FSIP1: variants seen among roughly 807,000 people sequenced by gnomAD.
FSIP1 encodes the protein fibrous sheath interacting protein 1, also known as fibrous sheath-interacting protein 1.
FSIP1 carries 65 observed loss-of-function variants against 60.9 expected under a neutral mutation model. The ratio of observed to expected loss-of-function variants is 1.07; its 90% CI spans 0.87 to 1.31. The LOEUF (loss-of-function observed/expected upper bound fraction) is 1.31, where lower values mean the gene tolerates loss of function less well. Among genes scored for constraint, FSIP1 ranks in the 40% most tolerant of loss-of-function variants. The pLI is 0.00. For missense variants in FSIP1, 675 were observed against 665.5 expected, an observed-to-expected ratio of 1.01 and a Z score of -0.16; for synonymous variants, 209 against 221.2, an observed-to-expected ratio of 0.94 and a Z score of 0.49.
At position 39,738,823 on chromosome 15, in the gene FSIP1, G is replaced by A. The variant is rs375587981; in HGVS notation, c.781-622C>T. On this transcript the variant is annotated intron_variant, in intron 7 of 11. Coordinates refer to ENST00000350221, the MANE Select transcript of FSIP1 (RefSeq NM_152597.5). ...CATATGAATGTGGAGCACAAAAATC[G>A]AGAGTCCCAGAGGCCAGTCCTGGCA... 4.4e-4 allele frequency among the ~76,000 whole-genome samples: 67 copies of A among 152,300 alleles called. 1 individual carries two copies. The highest frequency in any genetic ancestry group is 1.6e-3 in the African/African-American group (67 of 41,576).
At chr15:39,716,833 T>TTTTA (rs3986372) in intron 9 of FSIP1, among the ~76,000 whole-genome samples, 1 of 149,536 alleles carries the variant, frequency 6.7e-6, no homozygotes. Context: ...TTTTTTTTTT[T>TTTTA]GAGACGGAGT....
chr15:39,660,142 C>T lies in FSIP1; in HGVS notation c.1189-41897G>A, dbSNP rs532678333. 2.6e-5 allele frequency among the ~76,000 whole-genome samples: 4 copies of T among 152,254 alleles called. No homozygotes were observed. In the East Asian group the frequency reaches 7.7e-4, roughly 29 times the overall value. ...GGAGGGGCCTGTATTTCTGCCTTGACAACGTAGTAAGTAAAACGTAGCACA... is the reference window on the plus strand; with the variant it reads ...GGAGGGGCCTGTATTTCTGCCTTGATAACGTAGTAAGTAAAACGTAGCACA... On this transcript the variant is annotated intron_variant, in intron 10 of 11. Transcript: ENST00000350221.
intron 10 of FSIP1, among the ~76,000 whole-genome samples, chr15:39,712,271 T>C (rs1410533165): frequency 8.5e-5 from 13 of 152,062 alleles, no homozygotes; most frequent in African/African-American, 2.2e-4. Flanking sequence ...GAAGATGGGA[T>C]TGTGGCACAC....
chr15:39,638,641 T>G (rs1456978852), intron 10 of FSIP1, among the ~76,000 whole-genome samples: 2 of 152,198 alleles, frequency 1.3e-5, no homozygotes, highest in Non-Finnish European at 2.9e-5. Flanking sequence ...TCACTGTGTG[T>G]GTTTTGACAA....
chr15:39,728,443 T>C (rs996726802), intron 8 of FSIP1, among the ~76,000 whole-genome samples: 4 of 152,018 alleles, frequency 2.6e-5, no homozygotes, highest in Admixed American at 2.0e-4. Flanking sequence ...AACAGACACA[T>C]AGACCAATGG....
At chr15:39,780,808 G>A (rs12594113) in intron 1 of FSIP1, among the ~76,000 whole-genome samples, 8,837 of 152,080 alleles carry the variant, frequency 0.058, 590 homozygotes, top group East Asian at 0.24. Flanking sequence ...GGCTGGTCTC[G>A]AACCCCTGAC....
At chr15:39,653,926 T>A (rs1337245360) in intron 10 of FSIP1, among the ~76,000 whole-genome samples, 3 of 151,484 alleles carry the variant, frequency 2.0e-5, no homozygotes, top group East Asian at 1.9e-4. Flanking sequence ...TTTTATTTTA[T>A]TTTTTTTACT....
rs144276693 is a variant in FSIP1, at chr15:39,726,296, C to G, written c.1050+293G>C. On this transcript the variant is annotated intron_variant, in intron 9 of 11. Coordinates refer to ENST00000350221, the MANE Select transcript of FSIP1 (RefSeq NM_152597.5). ...AGAAAAATAAGGCTCTCAAAGGACT[C>G]GTGAGTGCCATATCCGCTTTCTTCC... Among the ~76,000 whole-genome samples, 157 of 152,226 alleles carry G rather than the reference C, an allele frequency of 1.0e-3. 1 individual carries two copies. In the East Asian group the frequency reaches 0.021, roughly 21 times the overall value.
chr15:39,773,572 T>TA (rs1336396588), intron 2 of FSIP1, among the ~76,000 whole-genome samples: 1 of 152,188 alleles, frequency 6.6e-6, no homozygotes, highest in Non-Finnish European at 1.5e-5. Context: ...AGTTGCTGCT[T>TA]AAAAAAATTG....
intron 11 of FSIP1, among the ~76,000 whole-genome samples, chr15:39,612,279 G>A (rs754379979): frequency 6.6e-6 from 1 of 152,126 alleles, no homozygotes; most frequent in Non-Finnish European, 1.5e-5. Context: ...AACTCAAGAG[G>A]ATTTTAATCA....
chr15:39,637,684 T>C (rs1892192272), intron 10 of FSIP1, among the ~76,000 whole-genome samples: 1 of 152,152 alleles, frequency 6.6e-6, no homozygotes, highest in South Asian at 2.1e-4. Flanking sequence ...TGATACTGAA[T>C]AGTGGAACTT....
At chr15:39,652,735 ACAC>A (rs1212171069) in intron 10 of FSIP1, among the ~76,000 whole-genome samples, 2 of 152,142 alleles carry the variant, frequency 1.3e-5, no homozygotes, top group Non-Finnish European at 2.9e-5. Flanking sequence ...AGCCTACTAT[ACAC>A]CTAGGCTATA....
intron 8 of FSIP1, 78 bp from the exon 9 acceptor site, chr15:39,726,825 G>A (rs1896218091): frequency 2.8e-6 from 3 of 1,081,542 alleles, no homozygotes; most frequent in Non-Finnish European, 4.0e-6. Flanking sequence ...GGCTATAACA[G>A]TGCCCAGGTC....
At chr15:39,730,710 G>A (rs1488217731) in intron 8 of FSIP1, among the ~76,000 whole-genome samples, 2 of 152,156 alleles carry the variant, frequency 1.3e-5, no homozygotes, top group Non-Finnish European at 2.9e-5. Flanking sequence ...ACAAACAAAT[G>A]ACCTAGATTC....
At chr15:39,713,853 C>A (rs373872102) in intron 9 of FSIP1, among the ~76,000 whole-genome samples, 10 of 152,210 alleles carry the variant, frequency 6.6e-5, no homozygotes, top group African/African-American at 2.4e-4. Flanking sequence ...GAAACAGGAA[C>A]CTGGGTTCTG....
At chr15:39,653,847 C>G (rs960737957) in intron 10 of FSIP1, among the ~76,000 whole-genome samples, 3 of 152,242 alleles carry the variant, frequency 2.0e-5, no homozygotes, top group Non-Finnish European at 4.4e-5. Context: ...AATTAAACCT[C>G]TTTCTTTTGT....
intron 10 of FSIP1, among the ~76,000 whole-genome samples, chr15:39,703,956 C>T (rs1895163501): frequency 6.6e-6 from 1 of 152,022 alleles, no homozygotes; most frequent in Non-Finnish European, 1.5e-5. Context: ...GATAATATTC[C>T]ATTGCAAGGA....
chr15:39,613,189 A>G lies in FSIP1; in HGVS notation c.1699+4546T>C, dbSNP rs188312884. The stretch of plus-strand genomic sequence containing the variant: ...ATTTGTTGTGCGATTAGAAAGCAAT[A>G]ACAAATACTTTTTAAAGTCTTTAAG... On this transcript the variant is annotated intron_variant, in intron 11 of 11. Coordinates refer to ENST00000350221, the MANE Select transcript of FSIP1 (RefSeq NM_152597.5). 2.2e-4 allele frequency among the ~76,000 whole-genome samples: 33 copies of G among 152,330 alleles called. No homozygotes were observed. The East Asian group carries it at 2.9e-3, about 13-fold the overall frequency.
chr15:39,720,065 C>T (rs1466356862), intron 9 of FSIP1, among the ~76,000 whole-genome samples: 1 of 152,130 alleles, frequency 6.6e-6, no homozygotes, highest in Admixed American at 6.5e-5. Context: ...ATCCTAAATT[C>T]CTGCCCTCAA....
Sources: allele counts gnomAD v4.1 joint callset (sites outside exome capture counted in the v4.1 genomes callset), GRCh38; gene constraint gnomAD v4.1.1; transcripts MANE v1.5; gene names NCBI Gene and HGNC (gene_info 2026-07-23, HGNC 2026-07-21).